The following TMEM178A variants were observed in gnomAD, a reference collection of about 807,000 sequenced individuals.
TMEM178A encodes transmembrane protein 178A, also known as transmembrane protein 178.
Under a neutral mutation model 29.1 loss-of-function variants are expected in TMEM178A, and 12 were observed. The observed-to-expected ratio is 0.41, with a 90% CI of 0.26 to 0.67. The LOEUF (loss-of-function observed/expected upper bound fraction) is 0.67. TMEM178A is among the 30% of genes least tolerant of loss of function. TMEM178A has a pLI of 0.29. For synonymous variants in TMEM178A, 210 were observed against 187.2 expected, an observed-to-expected ratio of 1.12 and a Z score of -0.99; for missense variants, 366 against 419.1, an observed-to-expected ratio of 0.87 and a Z score of 1.11.
intron 1 of TMEM178A, among the ~76,000 whole-genome samples, chr2:39,701,467 C>T (rs185314022): frequency 1.0e-3 from 154 of 152,130 alleles, no homozygotes; most frequent in Middle Eastern, 3.4e-3. Flanking sequence ...TTTCTTGCTG[C>T]TTTCAGGATT....
intron 3 of TMEM178A, among the ~76,000 whole-genome samples, chr2:39,714,833 A>G (rs1572699112): frequency 1.3e-5 from 2 of 152,202 alleles, no homozygotes; most frequent in Non-Finnish European, 2.9e-5. Context: ...GAGGGAGTAT[A>G]TACAGAAAGA....
intron 2 of TMEM178A, among the ~76,000 whole-genome samples, chr2:39,705,107 C>G (rs1671967082): frequency 6.6e-6 from 1 of 152,176 alleles, no homozygotes; most frequent in Admixed American, 6.5e-5. Context: ...GTTACTGGCT[C>G]AGGTCAGGGG....
chr2:39,727,826 C>A, the TMEM178A span, among the ~76,000 whole-genome samples: 1 of 149,316 alleles, frequency 6.7e-6, no homozygotes, highest in African/African-American at 2.5e-5. Flanking sequence ...GGTTTTCTGT[C>A]CCTGTGACAG....
intron 3 of TMEM178A, among the ~76,000 whole-genome samples, chr2:39,711,735 G>A (rs970871574): frequency 5.3e-5 from 8 of 152,148 alleles, no homozygotes; most frequent in African/African-American, 1.9e-4. Flanking sequence ...ACAGGTCCAT[G>A]ATACTTTTTC....
At chr2:39,722,931 C>A (rs1250906111), downstream of TMEM178A, among the ~76,000 whole-genome samples, 1 of 152,030 alleles carries the variant, frequency 6.6e-6, no homozygotes, top group Non-Finnish European at 1.5e-5. Flanking sequence ...GAGGTAAATT[C>A]CCTCAATATC....
At chr2:39,696,518 A>G (rs1387044936) in intron 1 of TMEM178A, among the ~76,000 whole-genome samples, 5 of 152,098 alleles carry the variant, frequency 3.3e-5, no homozygotes, top group South Asian at 4.1e-4. Context: ...ATCTGCCATT[A>G]TTCTCCCTCT....
At chr2:39,674,486 T>A (rs1303225722) in intron 1 of TMEM178A, among the ~76,000 whole-genome samples, 31 of 152,140 alleles carry the variant, frequency 2.0e-4, no homozygotes, top group Non-Finnish European at 2.4e-4. Context: ...GGCATAAGAA[T>A]GATACAATAG....
At chr2:39,732,560 C>T in the TMEM178A span, among the ~76,000 whole-genome samples, 673 of 152,276 alleles carry the variant, frequency 4.4e-3, 4 homozygotes, top group African/African-American at 0.014. Context: ...TGGTCAAGCC[C>T]TCAGAAGCAA....
chr2:39,720,331 G>C (rs1179665853), downstream of TMEM178A, among the ~76,000 whole-genome samples: 1 of 152,126 alleles, frequency 6.6e-6, no homozygotes, highest in South Asian at 2.1e-4. Context: ...TGGGAACCCG[G>C]GACTCAGGTG....
intron 1 of TMEM178A, among the ~76,000 whole-genome samples, chr2:39,701,651 C>T (rs1199714597): frequency 6.6e-6 from 1 of 152,066 alleles, no homozygotes; most frequent in African/African-American, 2.4e-5. Flanking sequence ...CTCCTTCTCT[C>T]CTCCTTTCTG....
At chr2:39,670,244 A>G (rs1670354599) in intron 1 of TMEM178A, among the ~76,000 whole-genome samples, 1 of 152,226 alleles carries the variant, frequency 6.6e-6, no homozygotes, top group African/African-American at 2.4e-5. Flanking sequence ...TGAGTGTGTC[A>G]TGGATTATAA....
chr2:39,695,187 A>G (rs942978988), intron 1 of TMEM178A, among the ~76,000 whole-genome samples: 2 of 152,112 alleles, frequency 1.3e-5, no homozygotes, highest in African/African-American at 4.8e-5. Context: ...TGGGGAAATA[A>G]TTCTTTATTT....
chr2:39,683,061 A>G (rs13384630), intron 1 of TMEM178A, among the ~76,000 whole-genome samples: 6,400 of 152,284 alleles, frequency 0.042, 402 homozygotes, highest in African/African-American at 0.13. Flanking sequence ...TTGTTCTTCT[A>G]TTGATCTTCA....
chr2:39,730,379 T>C, the TMEM178A span, among the ~76,000 whole-genome samples: 2 of 152,148 alleles, frequency 1.3e-5, no homozygotes, highest in Non-Finnish European at 2.9e-5. Context: ...GGTTTTCCCC[T>C]TGCCTCTCCC....
Position 39,666,253 on chromosome 2 carries a change from C to G in TMEM178A, c.279C>G (p.Leu93=). The G allele has an allele frequency of 7.2e-7, 1 of 1,383,554 alleles. No homozygotes were observed. Among genetic ancestry groups the G allele is most frequent in the Non-Finnish European group, 9.3e-7 (1 of 1,069,578 alleles). 85.7% of individuals were successfully genotyped at this position (1,383,554 alleles called of 1,614,324 possible). Residue 93 remains leucine (L), a synonymous_variant, in exon 1 of 4, where the codon CTC becomes CTG. Transcript: ENST00000281961. ...CCGACCCCGAGTCCTGGCGCTCGCTCCTGGGGCTCGGCGGGCTGGACGCCG... is the reference window on the plus strand; with the variant it reads ...CCGACCCCGAGTCCTGGCGCTCGCTGCTGGGGCTCGGCGGGCTGGACGCCG... ...GRADPESWRS[L]LGLGGLDAEC... is the part of the protein sequence containing the mutation.
intron 3 of TMEM178A, among the ~76,000 whole-genome samples, chr2:39,710,387 T>C (rs1382428497): frequency 2.0e-5 from 3 of 152,184 alleles, no homozygotes; most frequent in Non-Finnish European, 4.4e-5. Context: ...CAAAACAACC[T>C]TTTTTCAATA....
intron 1 of TMEM178A, among the ~76,000 whole-genome samples, chr2:39,702,466 A>G (rs1671826326): frequency 6.6e-6 from 1 of 152,102 alleles, no homozygotes; most frequent in African/African-American, 2.4e-5. Flanking sequence ...ATGAGTACCA[A>G]ATGGAATGAT....
the TMEM178A span, among the ~76,000 whole-genome samples, chr2:39,734,935 G>A: frequency 6.6e-6 from 1 of 152,050 alleles, no homozygotes; most frequent in Non-Finnish European, 1.5e-5. Context: ...CTACCAACAC[G>A]ACTGTTACCA....
At chr2:39,697,840 G>A (rs115976314) in intron 1 of TMEM178A, 1 of 152,366 alleles carries the variant, frequency 6.6e-6, no homozygotes, top group African/African-American at 2.4e-5. Context: ...AGGAGGAGAT[G>A]GGTCTTGAGT....
Sources: gnomAD v4.1 joint callset for allele counts (sites outside exome capture counted in the v4.1 genomes callset) on GRCh38, gnomAD v4.1.1 for gene constraint, MANE v1.5 for transcripts, NCBI Gene and HGNC (gene_info 2026-07-23, HGNC 2026-07-21) for gene names.